The following RAB4A variants were observed in gnomAD, a reference collection of about 807,000 sequenced individuals.
RAB4A encodes RAB4A, member RAS oncogene family, also known as ras-related protein Rab-4A.
A neutral mutation model predicts 34.5 loss-of-function variants in RAB4A; 20 were observed. That is an observed-to-expected ratio of 0.58 (90% CI 0.41 to 0.84). The LOEUF (loss-of-function observed/expected upper bound fraction) is 0.84. Among genes scored for constraint, RAB4A ranks in the 40% least tolerant of loss-of-function variants. The pLI is 0.00. For synonymous variants in RAB4A, 102 were observed against 100.0 expected (o/e 1.02, Z -0.12); for missense variants, 228 against 274.5 (o/e 0.83, Z 1.20).
intron 3 of RAB4A, among the ~76,000 whole-genome samples, chr1:229,291,040 A>G (rs1657056260): frequency 6.6e-6 from 1 of 152,228 alleles, no homozygotes; most frequent in South Asian, 2.1e-4. Flanking sequence ...GAAAGGTTCC[A>G]AGAGGGAAAA....
chr1:229,294,922 G>A (rs775846175), intron 3 of RAB4A, among the ~76,000 whole-genome samples: 2 of 152,020 alleles, frequency 1.3e-5, no homozygotes, highest in East Asian at 1.9e-4. Flanking sequence ...TAAGATGGGC[G>A]GTACCAGAGC....
intron 6 of RAB4A, among the ~76,000 whole-genome samples, chr1:229,302,297 ATATATATATATATTTTT>A (rs1657424681): frequency 3.9e-4 from 11 of 28,378 alleles, no homozygotes; most frequent in African/African-American, 8.9e-4. Context: ...ATATATATAT[ATATATATATATATTTTT>A]TTTTTTTTTT....
At position 229,271,271 on chromosome 1, in the gene RAB4A, C is replaced by A; in HGVS notation, c.-69C>A. On this transcript the variant is annotated 5_prime_UTR_variant, in exon 1 of 8. Transcript: ENST00000366690. ...GTCCCCCGCCCCAGGTCCTTCCCCA[C>A]CGAGACGCGCCGGCGGACCGCGGGC... 7.6e-7 allele frequency: 1 copy of A among 1,318,612 alleles called. No homozygotes were observed. 81.7% of individuals were successfully genotyped at this position (1,318,612 alleles called of 1,614,324 possible).
At chr1:229,300,858 T>G (rs1221928617) in intron 6 of RAB4A, among the ~76,000 whole-genome samples, 1 of 151,798 alleles carries the variant, frequency 6.6e-6, no homozygotes, top group African/African-American at 2.4e-5. Context: ...AACAGAACCC[T>G]GGAGTTGGAG....
intron 3 of RAB4A, among the ~76,000 whole-genome samples, chr1:229,294,854 G>A (rs1657195242): frequency 6.6e-6 from 1 of 152,158 alleles, no homozygotes; most frequent in African/African-American, 2.4e-5. Context: ...ATGTGGAGAA[G>A]AGCAGACAGT....
rs774886245 is a variant in RAB4A, at chr1:229,299,001, C to T, written c.470C>T (p.Ala157Val). Residue 157 changes from alanine (A) to valine (V), a missense_variant, in exon 6 of 8, where the codon GCG (alanine) becomes GTG (valine). Transcript: ENST00000366690. ...GAGCTGATGTTTTTGGAAACAAGTG[C>T]GCTCACAGGGGAGAATGTAGAAGAG... ...ENELMFLETS[A>V]LTGENVEEAF... 1.9e-6 allele frequency: 3 copies of T among 1,609,578 alleles called. No homozygotes were observed. Among genetic ancestry groups the T allele is most frequent in the South Asian group, 1.1e-5 (1 of 89,998 alleles).
At chr1:229,273,529 C>G (rs527554205) in intron 1 of RAB4A, among the ~76,000 whole-genome samples, 1 of 152,304 alleles carries the variant, frequency 6.6e-6, no homozygotes, top group African/African-American at 2.4e-5. Context: ...CACTTGAGCT[C>G]AGGAGTTCAA....
rs766454832 is a variant in RAB4A at position 229,304,099 on chromosome 1, A to G, written c.*306A>G. Reference sequence around the variant, plus strand: ...CTGTAGCCCAGTGCGGCTCCACAGCATGGAATCTGATGTATGATATGATAG... The same window carrying G: ...CTGTAGCCCAGTGCGGCTCCACAGCGTGGAATCTGATGTATGATATGATAG... On this transcript the variant is annotated 3_prime_UTR_variant, in exon 8 of 8. Coordinates refer to ENST00000366690, the MANE Select transcript of RAB4A (RefSeq NM_004578.4). The G allele has an allele frequency of 6.6e-6, 1 of 152,202 alleles. No homozygotes were observed. The highest frequency in any genetic ancestry group is 1.5e-5 in the Non-Finnish European group (1 of 68,034). 9.4% of individuals were successfully genotyped at this position (152,202 alleles called of 1,614,324 possible).
intron 3 of RAB4A, among the ~76,000 whole-genome samples, chr1:229,293,836 T>C (rs1571832514): frequency 6.6e-6 from 1 of 152,062 alleles, no homozygotes; most frequent in African/African-American, 2.4e-5. Context: ...GCCAGCGGTG[T>C]GACGAGCCCA....
intron 6 of RAB4A, among the ~76,000 whole-genome samples, chr1:229,299,882 G>A (rs1657336757): frequency 6.6e-6 from 1 of 152,188 alleles, no homozygotes; most frequent in Admixed American, 6.5e-5. Context: ...GCCCCAGCCA[G>A]AGGATAGAGG....
At chr1:229,292,447 G>T (rs943652920) in intron 3 of RAB4A, among the ~76,000 whole-genome samples, 3 of 152,164 alleles carry the variant, frequency 2.0e-5, no homozygotes, top group African/African-American at 7.2e-5. Flanking sequence ...TGCTGAGCAA[G>T]AATAGAAAGG....
intron 1 of RAB4A, among the ~76,000 whole-genome samples, chr1:229,285,923 A>C (rs1287161850): frequency 1.3e-5 from 2 of 152,248 alleles, no homozygotes; most frequent in Non-Finnish European, 2.9e-5. Context: ...TTTGTCATTG[A>C]ATCAGACAAA....
intron 3 of RAB4A, among the ~76,000 whole-genome samples, chr1:229,294,902 T>G (rs1372820961): frequency 1.3e-5 from 2 of 151,994 alleles, no homozygotes; most frequent in Non-Finnish European, 1.5e-5. Context: ...CATATTTCTG[T>G]TTTGTGTTTT....
intron 1 of RAB4A, among the ~76,000 whole-genome samples, chr1:229,274,049 C>T (rs1571818862): frequency 1.2e-5 from 1 of 86,846 alleles, no homozygotes; most frequent in Admixed American, 1.5e-4. Context: ...TTTTGTTTCC[C>T]TTTTTTTTTT....
intron 1 of RAB4A, among the ~76,000 whole-genome samples, chr1:229,285,677 C>T (rs760209759): frequency 3.3e-5 from 5 of 151,984 alleles, no homozygotes; most frequent in Non-Finnish European, 7.4e-5. Flanking sequence ...CTGAGTCAAA[C>T]GGGGAGGAGG....
chr1:229,299,782 G>A (rs1313545043), intron 6 of RAB4A, among the ~76,000 whole-genome samples: 1 of 152,068 alleles, frequency 6.6e-6, no homozygotes, highest in Non-Finnish European at 1.5e-5. Flanking sequence ...GTCTTTCATG[G>A]GAGACAGTCA....
intron 1 of RAB4A, among the ~76,000 whole-genome samples, chr1:229,283,601 A>G (rs959272262): frequency 6.6e-6 from 1 of 152,072 alleles, no homozygotes; most frequent in Non-Finnish European, 1.5e-5. Context: ...GTTCTGCTCC[A>G]AGCCTAGGAT....
intron 3 of RAB4A, 135 bp downstream of exon 3, chr1:229,288,978 T>C (rs1329338064): frequency 1.4e-5 from 9 of 648,444 alleles, no homozygotes; most frequent in Non-Finnish European, 2.4e-5. Flanking sequence ...ACTTCATTTT[T>C]GGAAACTTTG....
At chr1:229,277,285 G>T (rs533168341) in intron 1 of RAB4A, among the ~76,000 whole-genome samples, 2 of 150,858 alleles carry the variant, frequency 1.3e-5, no homozygotes, top group African/African-American at 5.0e-5. Flanking sequence ...CCGCTGTGCC[G>T]ACAACGTTTA....
Sources: allele counts gnomAD v4.1 joint callset (sites outside exome capture counted in the v4.1 genomes callset), GRCh38; gene constraint gnomAD v4.1.1; transcripts MANE v1.5; gene names NCBI Gene and HGNC (gene_info 2026-07-23, HGNC 2026-07-21).